NELFA: variants seen among roughly 807,000 people sequenced by gnomAD.
NELFA encodes the protein negative elongation factor A.
NELFA carries 35 observed loss-of-function variants against 51.8 expected under a neutral mutation model. The ratio of observed to expected loss-of-function variants is 0.68; its 90% CI spans 0.52 to 0.90. The LOEUF is 0.90. Ranked by LOEUF, NELFA falls within the 40% of genes least tolerant of loss-of-function variation. The pLI is 0.00. For synonymous variants in NELFA, 417 were observed against 338.4 expected (o/e 1.23, Z -2.55); for missense variants, 658 against 746.4 (o/e 0.88, Z 1.38).
chr4:1,990,754 C>G (rs2109059149), intron 2 of NELFA, among the ~76,000 whole-genome samples: 1 of 152,368 alleles, frequency 6.6e-6, no homozygotes, highest in East Asian at 1.9e-4. Context: ...CAGAAAAGCA[C>G]AAGCATCAAG....
intron 1 of NELFA, among the ~76,000 whole-genome samples, chr4:1,994,447 C>T (rs762611375): frequency 2.0e-5 from 3 of 151,960 alleles, no homozygotes; most frequent in Non-Finnish European, 4.4e-5. Context: ...CTCCTGTAAT[C>T]CCAGCTACTG....
At chr4:1,993,364 G>A (rs1728333708) in intron 1 of NELFA, among the ~76,000 whole-genome samples, 1 of 152,084 alleles carries the variant, frequency 6.6e-6, no homozygotes, top group South Asian at 2.1e-4. Flanking sequence ...GGCGGCTCAC[G>A]AGGTCAGGAG....
chr4:2,008,594 C>T (rs1282030029), intron 1 of NELFA, among the ~76,000 whole-genome samples, 156 bp downstream of exon 1: 2 of 95,502 alleles, frequency 2.1e-5, no homozygotes, highest in Non-Finnish European at 4.1e-5. Flanking sequence ...TTCGGAGGAG[C>T]GAGGAGGGGG....
At chr4:1,997,835 C>G (rs1190958267) in intron 1 of NELFA, among the ~76,000 whole-genome samples, 3 of 152,188 alleles carry the variant, frequency 2.0e-5, no homozygotes. Flanking sequence ...AGGTGAGACC[C>G]TCCAACAGGG....
In NELFA at chr4:1,994,419, G is replaced by A. The variant is rs189422811; in HGVS notation, c.211-2704C>T. ...ATCTCTACTGAAAATACAAAAATTA[G>A]CCAGGCATGGTGGTGCACTCCTGTA... is the stretch of plus-strand genomic sequence containing the variant. On this transcript the variant is annotated intron_variant, in intron 1 of 10. Coordinates refer to ENST00000382882, the MANE Select transcript of NELFA (RefSeq NM_005663.5). Among the ~76,000 whole-genome samples, 7 of 152,222 alleles carry A rather than the reference G, an allele frequency of 4.6e-5. No individual in the cohort carries two copies. In the East Asian group the frequency reaches 1.4e-3, roughly 29 times the overall value.
At position 1,989,874 on chromosome 4, in the gene NELFA, C is replaced by CACAT. The variant is rs757283906; in HGVS notation, c.383-6_383-5insATGT. ...CAGACGCTTCACACTCACCCACTGCCGGTAAGAACCACATGAAGTTAGGGG... is the reference window on the plus strand; with the variant it reads ...CAGACGCTTCACACTCACCCACTGCCACATGGTAAGAACCACATGAAGTTAGGGG... On this transcript the variant is annotated splice_region_variant and splice_polypyrimidine_tract_variant and intron_variant, in intron 2 of 10. Coordinates refer to ENST00000382882, the MANE Select transcript of NELFA (RefSeq NM_005663.5). This position sits in a 1 kb window ranked among gnomAD's most constrained non-coding sequence, Gnocchi z 4.8. The CACAT allele has an allele frequency of 6.2e-7, 1 of 1,611,642 alleles. No homozygotes were observed. The highest frequency in any genetic ancestry group is 8.5e-7 in the Non-Finnish European group (1 of 1,178,962).
At chr4:1,993,804 T>G (rs1439793563) in intron 1 of NELFA, among the ~76,000 whole-genome samples, 1 of 148,922 alleles carries the variant, frequency 6.7e-6, no homozygotes, top group African/African-American at 2.5e-5. Context: ...CCTTTTTTTT[T>G]TTTTTTTTTT....
rs1252726874 is a variant in NELFA at position 1,991,706 on chromosome 4, C to T, written c.220G>A (p.Ala74Thr). ...GCGAGCTGGATGATCTCCATTAGGG[C>T]GCCCTTCATCTGCAAAATAGGATGC... The part of the protein sequence containing the change: ...PRRTVDEMKG[A>T]LMEIIQLASL... The change falls in exon 2 of 11, where the codon GCC (alanine) becomes ACC (threonine). Residue 74 changes from alanine (A) to threonine (T), a missense_variant. By Grantham distance (58) the Ala-to-Thr change is moderately conservative. Around this residue, in one of 3 missense-constraint regions of NELFA, gnomAD observed 371 missense variants for 448.3 expected, o/e 0.83. Coordinates refer to ENST00000382882, the MANE Select transcript of NELFA (RefSeq NM_005663.5). 3.1e-6 allele frequency: 5 copies of T among 1,595,082 alleles called. No individual in the cohort carries two copies. Among genetic ancestry groups the T allele is most frequent in the Non-Finnish European group, 4.3e-6 (5 of 1,172,148 alleles).
intron 1 of NELFA, among the ~76,000 whole-genome samples, chr4:1,994,583 T>C (rs1334305306): frequency 6.8e-6 from 1 of 147,988 alleles, no homozygotes; most frequent in Non-Finnish European, 1.5e-5. Flanking sequence ...AAGCCGGGCA[T>C]GGTGGCTCAC....
At chr4:1,984,774 T>C in intron 8 of NELFA, 34 bp downstream of exon 8, 4 of 1,495,808 alleles carry the variant, frequency 2.7e-6, no homozygotes, top group Non-Finnish European at 3.6e-6. Flanking sequence ...GGCAGGCAGC[T>C]TGGCTGGTTC....
chr4:1,990,611 C>A (rs1577618334), intron 2 of NELFA: 1 of 432,880 alleles, frequency 2.3e-6, no homozygotes, highest in East Asian at 7.2e-5. Context: ...CAGCAGGGCC[C>A]CTGCAGGAGT....
chr4:2,008,718 C>CT, intron 1 of NELFA, 32 bp downstream of exon 1: 1 of 1,577,608 alleles, frequency 6.3e-7, no homozygotes, highest in Non-Finnish European at 8.6e-7. Flanking sequence ...GGTTGGGAAT[C>CT]TGGGGGCCGC....
chr4:2,007,071 A>G, intron 1 of NELFA: 1 of 350,424 alleles, frequency 2.9e-6, no homozygotes, highest in South Asian at 2.2e-5. Flanking sequence ...CAGCCTGGGC[A>G]GCATGGTGAA....
At position 1,983,441 on chromosome 4, in the gene NELFA, G is replaced by T. The variant is rs773589217; in HGVS notation, c.1465C>A (p.Leu489Met). 1 of 1,614,238 alleles carries T rather than the reference G, an allele frequency of 6.2e-7. No homozygotes were observed. Among genetic ancestry groups the T allele is most frequent in the Non-Finnish European group, 8.5e-7 (1 of 1,180,044 alleles). ...QIKLSEHTED[L>M]PKADGQGSTT... The stretch of plus-strand genomic sequence containing the variant: ...CTACCCTGGCCGTCCGCCTTGGGCA[G>T]GTCCTCCGTGTGCTCGCTCAGCTTG... Residue 489 changes from leucine (L) to methionine (M), a missense_variant, in exon 11 of 11, where the codon CTG (leucine) becomes ATG (methionine). Physicochemically the swap from Leu to Met is conservative, Grantham distance 15. Transcript: ENST00000382882.
In NELFA at chr4:1,989,525, T is replaced by G. The variant is rs1472561747; in HGVS notation, c.544+183A>C. Among the ~76,000 whole-genome samples, 1 of 151,494 alleles carries G rather than the reference T, an allele frequency of 6.6e-6. No homozygotes were observed. Among genetic ancestry groups the G allele is most frequent in the Non-Finnish European group, 1.5e-5 (1 of 67,890 alleles). ...TGGTACTTTTGGTAGAGATGGGGTTTCTTGGCTGGTCTCAAACTCCTGGGC... is the reference window on the plus strand; with the variant it reads ...TGGTACTTTTGGTAGAGATGGGGTTGCTTGGCTGGTCTCAAACTCCTGGGC... On this transcript the variant is annotated intron_variant, in intron 3 of 10. Transcript: ENST00000382882. The surrounding 1 kb of genome is among the most constrained non-coding windows in gnomAD (Gnocchi z 4.8).
At position 1,992,684 on chromosome 4, in the gene NELFA, G is replaced by T. The variant is rs148456882; in HGVS notation, c.211-969C>A. ...GTCCTACGAGGGCTGCGGCCATCAC[G>T]TCCCCGCGAGCGCCGCCTCCTGGTG... On this transcript the variant is annotated intron_variant, in intron 1 of 10. Transcript: ENST00000382882. The T allele has an allele frequency of 4.5e-3, 889 of 195,774 alleles. 6 individuals carry two copies. Among genetic ancestry groups the T allele is most frequent in the African/African-American group, 0.02 (853 of 41,758 alleles). The allele number at this position is 195,774 out of a possible 1,614,324, so 12.1% of individuals were successfully genotyped here. A position where few individuals can be genotyped will look rare whatever the true frequency, so the allele number is the denominator to read the frequency against.
intron 1 of NELFA, among the ~76,000 whole-genome samples, chr4:2,006,521 C>A (rs1441958068): frequency 6.6e-6 from 1 of 152,124 alleles, no homozygotes; most frequent in East Asian, 1.9e-4. Flanking sequence ...GTAATCCCAA[C>A]ACTATGGGAG....
At chr4:1,994,712 G>A (rs189033831) in intron 1 of NELFA, among the ~76,000 whole-genome samples, 5 of 151,940 alleles carry the variant, frequency 3.3e-5, no homozygotes, top group South Asian at 2.1e-4. Context: ...AAAATTAGGC[G>A]GGCGTGGTGG....
Position 1,989,935 on chromosome 4 carries a change from G to A in NELFA, c.383-66C>T, listed in dbSNP as rs1577617651. ...GCAGACCTCCCGGCTGAGAGGAGCTGGCGGCTGCCCAGCCCCACACCCTCC... is the reference window on the plus strand; with the variant it reads ...GCAGACCTCCCGGCTGAGAGGAGCTAGCGGCTGCCCAGCCCCACACCCTCC... On this transcript the variant is annotated intron_variant, in intron 2 of 10. Coordinates refer to ENST00000382882, the MANE Select transcript of NELFA (RefSeq NM_005663.5). The surrounding 1 kb of genome is among the most constrained non-coding windows in gnomAD (Gnocchi z 4.8). 2 of 1,562,646 alleles carry A rather than the reference G, an allele frequency of 1.3e-6. No homozygotes were observed. The highest frequency in any genetic ancestry group is 4.5e-5 in the East Asian group (2 of 44,508).
Sources: allele counts gnomAD v4.1 joint callset (sites outside exome capture counted in the v4.1 genomes callset), GRCh38; gene constraint gnomAD v4.1.1; regional missense constraint gnomAD v4.1.1; non-coding constraint Gnocchi (gnomAD v3.1); transcripts MANE v1.5; gene names NCBI Gene and HGNC (gene_info 2026-07-23, HGNC 2026-07-21).